The following REEP3 variants were observed in gnomAD, a reference collection of about 807,000 sequenced individuals.
REEP3 encodes receptor accessory protein 3, also known as receptor expression-enhancing protein 3.
REEP3 carries 20 observed loss-of-function variants against 41.3 expected under a neutral mutation model. That is an observed-to-expected ratio of 0.48 (90% CI 0.34 to 0.70). REEP3 has a LOEUF of 0.70. Ranked by LOEUF, REEP3 falls within the 30% of genes least tolerant of loss-of-function variation. REEP3 has a pLI of 0.01. For missense variants in REEP3, 271 were observed against 308.8 expected (o/e 0.88, Z 0.92); for synonymous variants, 104 against 101.8 (o/e 1.02, Z -0.13).
chr10:63,534,255 T>TG (rs1328815498), intron 1 of REEP3, among the ~76,000 whole-genome samples: 2 of 152,212 alleles, frequency 1.3e-5, no homozygotes, highest in South Asian at 4.1e-4. Flanking sequence ...TTTTTATTTT[T>TG]TTTTTGTTTT....
At position 63,521,585 on chromosome 10, in the gene REEP3, CCTCTCACTG is replaced by C; in HGVS notation, c.32+10_32+18del. Reference sequence around the variant, plus strand: ...GATCTCCAGAGCCGTGGTGTAAGTGCCTCTCACTGCGCCCTGCAGCCGGCGCGAGGCCCA... The same window carrying C: ...GATCTCCAGAGCCGTGGTGTAAGTGCCGCCCTGCAGCCGGCGCGAGGCCCA... On this transcript the variant is annotated intron_variant, in intron 1 of 7. Coordinates refer to ENST00000373758, the MANE Select transcript of REEP3 (RefSeq NM_001001330.3). The C allele has an allele frequency of 7.1e-7, 1 of 1,414,052 alleles. No individual in the cohort carries two copies. 87.6% of individuals were successfully genotyped at this position (1,414,052 alleles called of 1,614,324 possible).
At chr10:63,549,500 G>A (rs1265375790) in intron 1 of REEP3, among the ~76,000 whole-genome samples, 1 of 152,216 alleles carries the variant, frequency 6.6e-6, no homozygotes, top group Non-Finnish European at 1.5e-5. Flanking sequence ...CCCAGATTTT[G>A]AGGCTGCAAT....
chr10:63,546,650 G>A (rs1466777684), intron 1 of REEP3, among the ~76,000 whole-genome samples: 1 of 152,080 alleles, frequency 6.6e-6, no homozygotes, highest in African/African-American at 2.4e-5. Flanking sequence ...ACATGGTATT[G>A]GGTCAAAGAT....
At chr10:63,569,213 G>A (rs1365265411) in intron 2 of REEP3, among the ~76,000 whole-genome samples, 1 of 152,046 alleles carries the variant, frequency 6.6e-6, no homozygotes, top group Non-Finnish European at 1.5e-5. Context: ...TGAAGAATCT[G>A]CTTCTGGCCA....
At chr10:63,605,976 G>A (rs12779973) in intron 5 of REEP3, 2 of 241,832 alleles carry the variant, frequency 8.3e-6, no homozygotes, top group African/African-American at 4.6e-5. Context: ...TTTAGTGCCA[G>A]CTGAAGTTCA....
chr10:63,527,861 C>T (rs1346677889), intron 1 of REEP3, among the ~76,000 whole-genome samples: 1 of 152,142 alleles, frequency 6.6e-6, no homozygotes, highest in Non-Finnish European at 1.5e-5. Flanking sequence ...GTTTGATCCT[C>T]ATCTGACTTA....
At chr10:63,591,248 A>G (rs1956060889) in intron 2 of REEP3, among the ~76,000 whole-genome samples, 1 of 151,938 alleles carries the variant, frequency 6.6e-6, no homozygotes, top group Non-Finnish European at 1.5e-5. Context: ...ATCATTTGGT[A>G]TAAACTCCCA....
At chr10:63,580,378 C>T (rs551864817) in intron 2 of REEP3, among the ~76,000 whole-genome samples, 1 of 152,262 alleles carries the variant, frequency 6.6e-6, no homozygotes, top group African/African-American at 2.4e-5. Context: ...TTCAAGTGAC[C>T]TTCCCACTTC....
intron 5 of REEP3, among the ~76,000 whole-genome samples, chr10:63,604,149 G>A (rs1012357421): frequency 6.6e-5 from 10 of 152,188 alleles, no homozygotes; most frequent in African/African-American, 2.4e-4. Flanking sequence ...TGTTAAAGGT[G>A]AAAATAGGAA....
At chr10:63,578,190 C>A (rs535315009) in intron 2 of REEP3, among the ~76,000 whole-genome samples, 1 of 152,268 alleles carries the variant, frequency 6.6e-6, no homozygotes, top group African/African-American at 2.4e-5. Flanking sequence ...ACCTCCACCT[C>A]GCAGGTTCAA....
chr10:63,594,682 T>C (rs1589881187), intron 2 of REEP3, 96 bp from the exon 3 acceptor site: 2 of 794,428 alleles, frequency 2.5e-6, no homozygotes, highest in East Asian at 5.0e-5. Flanking sequence ...AATATGAAAT[T>C]ATTATGAAAT....
chr10:63,533,800 C>G (rs1423915081), intron 1 of REEP3, among the ~76,000 whole-genome samples: 1 of 148,564 alleles, frequency 6.7e-6, no homozygotes, highest in South Asian at 2.2e-4. Context: ...CTCCGCCTCC[C>G]GGGTTCAAGC....
intron 2 of REEP3, among the ~76,000 whole-genome samples, chr10:63,583,736 G>A (rs908856085): frequency 3.9e-5 from 6 of 152,148 alleles, no homozygotes; most frequent in Admixed American, 2.0e-4. Context: ...CTAAAATCCC[G>A]AGAAATTCTG....
At chr10:63,584,948 T>C (rs954043438) in intron 2 of REEP3, among the ~76,000 whole-genome samples, 1 of 152,180 alleles carries the variant, frequency 6.6e-6, no homozygotes, top group Admixed American at 6.5e-5. Flanking sequence ...CTTAGTATGG[T>C]TTTAAGTGAA....
intron 1 of REEP3, among the ~76,000 whole-genome samples, chr10:63,537,218 T>C (rs935918160): frequency 6.6e-6 from 1 of 152,206 alleles, no homozygotes; most frequent in Non-Finnish European, 1.5e-5. Flanking sequence ...AGGAAAGTTA[T>C]AGTGTTTGTG....
intron 2 of REEP3, among the ~76,000 whole-genome samples, chr10:63,586,383 T>A (rs1956007013): frequency 6.6e-6 from 1 of 152,240 alleles, no homozygotes; most frequent in Non-Finnish European, 1.5e-5. Context: ...GACTCCATAT[T>A]CTTCAAAAGA....
intron 1 of REEP3, among the ~76,000 whole-genome samples, chr10:63,540,711 C>T (rs1248363582): frequency 6.6e-6 from 1 of 152,090 alleles, no homozygotes; most frequent in African/African-American, 2.4e-5. Context: ...TACTTATCAC[C>T]TGTTAAATTT....
chr10:63,567,524 T>G (rs1564480655), intron 2 of REEP3, among the ~76,000 whole-genome samples: 1 of 152,236 alleles, frequency 6.6e-6, no homozygotes, highest in Admixed American at 6.5e-5. Context: ...TGTGTTACAT[T>G]CCTTTTTATG....
At chr10:63,589,783 A>ATTT (rs1317265731) in intron 2 of REEP3, among the ~76,000 whole-genome samples, 2 of 82,570 alleles carry the variant, frequency 2.4e-5, no homozygotes, top group East Asian at 4.4e-4. Context: ...ACAGCAGAAC[A>ATTT]TCTTTTTTTT....
Sources: allele counts gnomAD v4.1 joint callset (sites outside exome capture counted in the v4.1 genomes callset), GRCh38; gene constraint gnomAD v4.1.1; transcripts MANE v1.5; gene names NCBI Gene and HGNC (gene_info 2026-07-23, HGNC 2026-07-21).